Variants in TRDN observed in about 807,000 individuals in gnomAD.
TRDN encodes the protein triadin in skeletal muscle.
Under a neutral mutation model 149.7 loss-of-function variants are expected in TRDN, and 161 were observed. The observed-to-expected ratio is 1.08, with a 90% confidence interval of 0.95 to 1.23. The LOEUF is 1.23. Ranked by LOEUF, TRDN falls within the 50% of genes most tolerant of loss-of-function variation. The pLI, the probability that TRDN is intolerant of heterozygous loss-of-function variation, is 0.00. For synonymous variants in TRDN, 294 were observed against 250.5 expected, an observed-to-expected ratio of 1.17 and a Z score of -1.64; for missense variants, 896 against 823.5, an observed-to-expected ratio of 1.09 and a Z score of -1.08.
At chr6:123,589,440 C>T (rs968898406) in intron 1 of TRDN, among the ~76,000 whole-genome samples, 1 of 152,100 alleles carries the variant, frequency 6.6e-6, no homozygotes, top group East Asian at 1.9e-4. Context: ...ATTGCAAACC[C>T]ACTGAAACAG....
intron 32 of TRDN, among the ~76,000 whole-genome samples, chr6:123,267,371 G>C (rs1209860328): frequency 6.6e-6 from 1 of 151,942 alleles, no homozygotes; most frequent in African/African-American, 2.4e-5. Context: ...TGTGTAATTT[G>C]ACAAGATATT....
At chr6:123,506,352 C>T (rs1778921989) in intron 7 of TRDN, among the ~76,000 whole-genome samples, 1 of 152,080 alleles carries the variant, frequency 6.6e-6, no homozygotes, top group South Asian at 2.1e-4. Flanking sequence ...AAATTTATTC[C>T]TCTACTGGAC....
chr6:123,315,146 A>C (rs1007116672), intron 24 of TRDN, among the ~76,000 whole-genome samples: 1 of 152,032 alleles, frequency 6.6e-6, no homozygotes, highest in Non-Finnish European at 1.5e-5. Context: ...AGAGGAAAGG[A>C]CAACATAATG....
intron 9 of TRDN, among the ~76,000 whole-genome samples, chr6:123,467,505 C>A (rs1029467001): frequency 6.6e-6 from 1 of 151,662 alleles, no homozygotes; most frequent in African/African-American, 2.4e-5. Flanking sequence ...CAATGGGTAA[C>A]AATGGGAAAG....
chr6:123,448,778 G>A (rs1007273250), intron 10 of TRDN, among the ~76,000 whole-genome samples: 5 of 152,046 alleles, frequency 3.3e-5, no homozygotes, highest in Non-Finnish European at 7.4e-5. Flanking sequence ...CAATAATAGA[G>A]CATTAAACCA....
chr6:123,544,191 C>T (rs944563774), intron 4 of TRDN, among the ~76,000 whole-genome samples: 1 of 151,070 alleles, frequency 6.6e-6, no homozygotes, highest in African/African-American at 2.4e-5. Flanking sequence ...AAATCTAACC[C>T]TATATTTTAC....
intron 21 of TRDN, among the ~76,000 whole-genome samples, chr6:123,341,850 A>G (rs1482201345): frequency 6.6e-6 from 1 of 152,020 alleles, no homozygotes; most frequent in African/African-American, 2.4e-5. Flanking sequence ...GCATGTTAAA[A>G]CAGTGACATA....
At chr6:123,446,361 G>A (rs148828172) in intron 10 of TRDN, among the ~76,000 whole-genome samples, 22,678 of 151,644 alleles carry the variant, frequency 0.15, 2,406 homozygotes, top group African/African-American at 0.3. Flanking sequence ...CAATGTGCAC[G>A]TGTACCCTAA....
At chr6:123,374,748 C>G (rs1194523390) in intron 19 of TRDN, among the ~76,000 whole-genome samples, 3 of 151,618 alleles carry the variant, frequency 2.0e-5, no homozygotes, top group Non-Finnish European at 2.9e-5. Context: ...GCACTCCAGC[C>G]TGGTGACAGA....
At chr6:123,451,880 A>G (rs1189908431) in intron 10 of TRDN, among the ~76,000 whole-genome samples, 1 of 152,184 alleles carries the variant, frequency 6.6e-6, no homozygotes, top group African/African-American at 2.4e-5. Context: ...CCAATAACAT[A>G]TCAAAAAGAT....
intron 38 of TRDN, among the ~76,000 whole-genome samples, chr6:123,245,640 G>A (rs1776146345): frequency 6.6e-6 from 1 of 152,012 alleles, no homozygotes; most frequent in Admixed American, 6.6e-5. Context: ...CACAATAATA[G>A]TGGGAAACTT....
intron 5 of TRDN, among the ~76,000 whole-genome samples, chr6:123,526,828 A>AT (rs939980277): frequency 1.8e-4 from 28 of 152,144 alleles, no homozygotes; most frequent in African/African-American, 6.7e-4. Context: ...ATCAAATGAT[A>AT]CTAAAGATAG....
At chr6:123,584,658 C>G (rs1041594766) in intron 1 of TRDN, among the ~76,000 whole-genome samples, 25 of 152,098 alleles carry the variant, frequency 1.6e-4, no homozygotes, top group Admixed American at 5.9e-4. Context: ...GTCTGTGAAG[C>G]CTTGCGGCAG....
intron 34 of TRDN, 119 bp downstream of exon 34, chr6:123,260,493 C>T (rs1434365898): frequency 2.6e-6 from 3 of 1,135,086 alleles, no homozygotes; most frequent in African/African-American, 3.2e-5. Context: ...TTCTGTAGAA[C>T]AGAATATCTG....
intron 2 of TRDN, among the ~76,000 whole-genome samples, chr6:123,563,270 G>A (rs771247181): frequency 3.9e-5 from 6 of 152,124 alleles, no homozygotes; most frequent in African/African-American, 7.2e-5. Flanking sequence ...AAAATTGTGC[G>A]ACAGATGTTT....
At chr6:123,249,765 A>C (rs9791282) in intron 38 of TRDN, among the ~76,000 whole-genome samples, 70,366 of 151,854 alleles carry the variant, frequency 0.46, 17,364 homozygotes, top group Middle Eastern at 0.64. Context: ...AATAATAGAC[A>C]TGATGATTTC....
At chr6:123,226,618 G>A (rs141284975) in intron 38 of TRDN, among the ~76,000 whole-genome samples, 87 of 151,906 alleles carry the variant, frequency 5.7e-4, no homozygotes, top group Admixed American at 2.3e-3. Context: ...GAAAGTAAAC[G>A]GCAAACCTAG....
intron 1 of TRDN, among the ~76,000 whole-genome samples, chr6:123,627,024 G>T (rs889614710): frequency 1.3e-5 from 2 of 151,988 alleles, no homozygotes; most frequent in East Asian, 3.9e-4. Flanking sequence ...CACCACCCGG[G>T]TTCAAGTAAT....
intron 24 of TRDN, among the ~76,000 whole-genome samples, chr6:123,286,933 C>T (rs1777824074): frequency 6.6e-6 from 1 of 151,932 alleles, no homozygotes; most frequent in Non-Finnish European, 1.5e-5. Context: ...GGAGGTGGGG[C>T]CCAGGAATTT....
Sources: gnomAD v4.1 joint callset for allele counts (sites outside exome capture counted in the v4.1 genomes callset) on GRCh38, gnomAD v4.1.1 for gene constraint, MANE v1.5 for transcripts, NCBI Gene and HGNC (gene_info 2026-07-23, HGNC 2026-07-21) for gene names.